Variants in YJU2 observed in about 807,000 individuals in gnomAD.
YJU2 encodes splicing factor YJU2.
YJU2 carries 28 observed loss-of-function variants against 39.6 expected under a neutral mutation model. The ratio of observed to expected loss-of-function variants is 0.71; its 90% CI spans 0.52 to 0.97. YJU2 has a LOEUF of 0.97. Ranked by LOEUF, YJU2 falls within the 50% of genes least tolerant of loss-of-function variation. YJU2 has a pLI of 0.00. For synonymous variants in YJU2, 184 were observed against 182.4 expected (o/e 1.01, Z -0.07); for missense variants, 328 against 430.4 (o/e 0.76, Z 2.11).
chr19:4,259,853 G>T (rs573444182), intron 5 of YJU2, among the ~76,000 whole-genome samples: 1 of 152,244 alleles, frequency 6.6e-6, no homozygotes, highest in South Asian at 2.1e-4. Flanking sequence ...CCACGTCAGT[G>T]CCTGATGGGT....
rs765281012 is a variant in YJU2, at chr19:4,267,792, C to T, written c.859+18C>T. The T allele has an allele frequency of 8.7e-6, 14 of 1,603,974 alleles. No homozygotes were observed. Among genetic ancestry groups the T allele is most frequent in the African/African-American group, 1.3e-5 (1 of 74,828 alleles). ...CACCCCAGGTAAGGTCACAGAGTTCCCAGAGCCGGGCGCGGTTTCTATAGT... is the reference window on the plus strand; with the variant it reads ...CACCCCAGGTAAGGTCACAGAGTTCTCAGAGCCGGGCGCGGTTTCTATAGT... On this transcript the variant is annotated intron_variant, in intron 7 of 7. Coordinates refer to ENST00000262962, the MANE Select transcript of YJU2 (RefSeq NM_018074.6).
chr19:4,259,846 C>T lies in YJU2; in HGVS notation c.587+1423C>T, dbSNP rs1397107150. Among the ~76,000 whole-genome samples, 8 of 152,140 alleles carry T rather than the reference C, an allele frequency of 5.3e-5. No homozygotes were observed. The East Asian group carries it at 9.6e-4, about 18-fold the overall frequency. ...AGCAGGTAGGTTCTGGTAGGTTCCA[C>T]GTCAGTGCCTGATGGGTGTGCAGAG... On this transcript the variant is annotated intron_variant, in intron 5 of 7. Transcript: ENST00000262962.
At chr19:4,267,529 AGT>A in intron 6 of YJU2, 93 bp from the exon 7 acceptor site, 1 of 1,300,234 alleles carries the variant, frequency 7.7e-7, no homozygotes, top group South Asian at 1.3e-5. Context: ...GCAGTGGAAG[AGT>A]GGGCATGGGG....
In YJU2 at chr19:4,247,293, G is replaced by T. The variant is rs568577590; in HGVS notation, c.24+123G>T. The T allele has an allele frequency of 3.5e-6, 3 of 865,718 alleles. No homozygotes were observed. In the East Asian group the frequency reaches 7.6e-5, roughly 22 times the overall value. The allele number at this position is 865,718 out of a possible 1,614,324, so 53.6% of individuals were successfully genotyped here. On this transcript the variant is annotated intron_variant, in intron 1 of 7. Transcript: ENST00000262962. ...CTTTCCCAGCGGCCTTCCGCGAGAT[G>T]GGGCTTCCCAGACTCCTCCCTAGAC...
chr19:4,250,732 G>A (rs1167517315), intron 2 of YJU2, among the ~76,000 whole-genome samples: 1 of 152,008 alleles, frequency 6.6e-6, no homozygotes, highest in Non-Finnish European at 1.5e-5. Flanking sequence ...AGGGTGGGGT[G>A]CCCCGTAAGC....
intron 4 of YJU2, among the ~76,000 whole-genome samples, chr19:4,257,840 T>G (rs558339067): frequency 1.3e-5 from 2 of 152,228 alleles, no homozygotes; most frequent in South Asian, 4.2e-4. Context: ...TGATCTCAGG[T>G]GATCCGCCCG....
chr19:4,247,114 C>G lies in YJU2; in HGVS notation c.-33C>G. 1.9e-6 allele frequency: 3 copies of G among 1,610,644 alleles called. No homozygotes were observed. The highest frequency in any genetic ancestry group is 1.1e-5 in the South Asian group (1 of 90,990). On this transcript the variant is annotated 5_prime_UTR_variant, in exon 1 of 8. Transcript: ENST00000262962. ...CGATAATTACCCAGCCTAACCATTT[C>G]TCAGGTGCTTGCGAGGTGATCAGAA...
chr19:4,267,733 C>G lies in YJU2; in HGVS notation c.818C>G (p.Pro273Arg), dbSNP rs747857885. Reference sequence around the variant, plus strand: ...GTGGTGAAGAAGGCAAAGGCCGACCCGGACTGCAGCAACGGGCAGCCTCAG... The same window carrying G: ...GTGGTGAAGAAGGCAAAGGCCGACCGGGACTGCAGCAACGGGCAGCCTCAG... ...LVVVKKAKAD[P>R]DCSNGQPQAA... The change falls in exon 7 of 8, where the codon CCG becomes CGG. Residue 273 changes from proline (P) to arginine (R), a missense_variant. By Grantham distance (103) the Pro-to-Arg change is moderately radical. This residue lies in a region of YJU2 where 244 missense variants were observed against 264.6 expected (regional missense o/e 0.92). Coordinates refer to ENST00000262962, the MANE Select transcript of YJU2 (RefSeq NM_018074.6). The G allele has an allele frequency of 3.7e-6, 6 of 1,613,008 alleles. No homozygotes were observed. The highest frequency in any genetic ancestry group is 3.4e-6 in the Non-Finnish European group (4 of 1,179,824).
At chr19:4,255,405 G>A (rs1380366183) in intron 4 of YJU2, among the ~76,000 whole-genome samples, 13 of 151,862 alleles carry the variant, frequency 8.6e-5, no homozygotes, top group Non-Finnish European at 2.9e-5. Context: ...GCAACATAGT[G>A]AGACTCTGTC....
At chr19:4,256,321 T>G (rs1354202664) in intron 4 of YJU2, among the ~76,000 whole-genome samples, 1 of 151,692 alleles carries the variant, frequency 6.6e-6, no homozygotes, top group Non-Finnish European at 1.5e-5. Flanking sequence ...CATTCTTATC[T>G]ATTCCTGGAC....
Position 4,254,495 on chromosome 19 carries a change from T to A in YJU2, c.405+6T>A. The A allele has an allele frequency of 6.3e-7, 1 of 1,579,876 alleles. No individual in the cohort carries two copies. The highest frequency in any genetic ancestry group is 1.1e-5 in the South Asian group (1 of 87,892). ...AGCTGAACAACCCCATGAAGGTGAGTCGGGGGCCATGTAGGTGTTCATGGG... is the reference window on the plus strand; with the variant it reads ...AGCTGAACAACCCCATGAAGGTGAGACGGGGGCCATGTAGGTGTTCATGGG... On this transcript the variant is annotated splice_donor_region_variant and intron_variant, in intron 4 of 7. Transcript: ENST00000262962.
rs548302169 is a variant in YJU2, at chr19:4,263,640, T to C, written c.708+1526T>C. 4.0e-5 allele frequency among the ~76,000 whole-genome samples: 6 copies of C among 151,736 alleles called. No homozygotes were observed. The South Asian group carries it at 1.2e-3, about 32-fold the overall frequency. Reference sequence around the variant, plus strand: ...GCCTGGCCAACATGGAGAAACCCTGTCTCTACTAAAAATACAAAAATTAGC... The same window carrying C: ...GCCTGGCCAACATGGAGAAACCCTGCCTCTACTAAAAATACAAAAATTAGC... On this transcript the variant is annotated intron_variant, in intron 6 of 7. Transcript: ENST00000262962.
chr19:4,259,071 CTTTTTTTTTTTTTT>C (rs34728075), intron 5 of YJU2, among the ~76,000 whole-genome samples: 1 of 90,262 alleles, frequency 1.1e-5, no homozygotes, highest in Non-Finnish European at 2.1e-5. Context: ...GAACACTTTT[CTTTTTTTTTTTTTT>C]TTTTTTTTTT....
chr19:4,266,946 A>G (rs1971120174), intron 6 of YJU2, among the ~76,000 whole-genome samples: 3 of 152,158 alleles, frequency 2.0e-5, no homozygotes, highest in African/African-American at 4.8e-5. Flanking sequence ...CAGCCTGGGC[A>G]ATAGAGTGAG....
At chr19:4,258,200 G>T in intron 4 of YJU2, 42 bp from the exon 5 acceptor site, 1 of 1,543,064 alleles carries the variant, frequency 6.5e-7, no homozygotes, top group Non-Finnish European at 8.8e-7. Flanking sequence ...GCCCCGTGGT[G>T]CGATCCCCAT....
chr19:4,268,409 G>C (rs1301570393), intron 7 of YJU2, among the ~76,000 whole-genome samples, 175 bp from the exon 8 acceptor site: 3 of 152,184 alleles, frequency 2.0e-5, no homozygotes, highest in African/African-American at 7.2e-5. Flanking sequence ...TTGAGTCCCG[G>C]GTGTGCAGAT....
intron 3 of YJU2, among the ~76,000 whole-genome samples, chr19:4,252,318 G>T (rs918593269): frequency 6.6e-6 from 1 of 151,956 alleles, no homozygotes; most frequent in African/African-American, 2.4e-5. Context: ...ACAAAAATAG[G>T]CCGGGCGCAG....
intron 3 of YJU2, among the ~76,000 whole-genome samples, chr19:4,251,442 A>C (rs1352126180): frequency 1.3e-5 from 2 of 152,292 alleles, no homozygotes; most frequent in East Asian, 1.9e-4. Context: ...TACTCCCAGC[A>C]CTTTGGGCGG....
chr19:4,259,128 G>A (rs1971049856), intron 5 of YJU2, among the ~76,000 whole-genome samples: 1 of 139,684 alleles, frequency 7.2e-6, no homozygotes, highest in Non-Finnish European at 1.5e-5. Flanking sequence ...TGCTGCCCAG[G>A]CTGGAGGGCA....
Sources: gnomAD v4.1 joint callset for allele counts (sites outside exome capture counted in the v4.1 genomes callset) on GRCh38, gnomAD v4.1.1 for gene constraint, gnomAD v4.1.1 regional missense constraint, MANE v1.5 for transcripts, NCBI Gene and HGNC (gene_info 2026-07-23, HGNC 2026-07-21) for gene names.